The following SEMA3F variants were observed in gnomAD, a reference collection of about 807,000 sequenced individuals.
The protein encoded by SEMA3F is semaphorin 3F.
In SEMA3F, 30 loss-of-function variants were observed where a neutral mutation model predicts 98.5. That is an observed-to-expected ratio of 0.30 (90% confidence interval 0.23 to 0.41). The LOEUF (loss-of-function observed/expected upper bound fraction) is 0.41. Ranked by LOEUF, SEMA3F falls within the 10% of genes least tolerant of loss-of-function variation. SEMA3F has a pLI of 1.00. For synonymous variants in SEMA3F, 380 were observed against 444.8 expected (o/e 0.85, Z 1.83); for missense variants, 866 against 1,119.3 (o/e 0.77, Z 3.23).
chr3:50,187,858 G>A lies in SEMA3F; in HGVS notation c.2101G>A (p.Ala701Thr), dbSNP rs757018373. The A allele has an allele frequency of 4.0e-5, 65 of 1,613,036 alleles. No homozygotes were observed. The highest frequency in any genetic ancestry group is 5.3e-5 in the African/African-American group (4 of 74,912). Residue 701 changes from alanine (A) to threonine (T), a missense_variant, in exon 19 of 19, where the codon GCC (alanine) becomes ACC (threonine). Ala to Thr is a moderately conservative substitution (Grantham distance 58). Around this residue, in one of 3 missense-constraint regions of SEMA3F, gnomAD observed 245 missense variants for 260.5 expected, o/e 0.94. Coordinates refer to ENST00000002829, the MANE Select transcript of SEMA3F (RefSeq NM_004186.5). ...RVQLHVLGRD[A>T]VHAALFPPLS... ...GCAGCTGCATGTACTGGGCCGGGAC[G>A]CCGTCCATGCTGCCCTCTTCCCACC...
intron 16 of SEMA3F, 59 bp from the exon 17 acceptor site, chr3:50,186,222 C>T (rs1699205225): frequency 1.3e-6 from 2 of 1,572,414 alleles, no homozygotes; most frequent in South Asian, 1.1e-5. Flanking sequence ...CAGGGAGATA[C>T]AGGGACCTGG....
intron 5 of SEMA3F, 31 bp downstream of exon 5, chr3:50,174,381 C>G: frequency 6.3e-7 from 1 of 1,590,530 alleles, no homozygotes; most frequent in South Asian, 1.1e-5. Context: ...CCCTGTGCTG[C>G]CCCCGCTGGT....
chr3:50,183,366 A>T, intron 11 of SEMA3F, 54 bp from the exon 12 acceptor site: 1 of 1,605,838 alleles, frequency 6.2e-7, no homozygotes, highest in East Asian at 2.2e-5. Flanking sequence ...CAGTTTGGGG[A>T]GGGGCCCTAG....
In SEMA3F at chr3:50,156,513, C is replaced by T. The variant is rs759530293; in HGVS notation, c.-49+949C>T. Among the ~76,000 whole-genome samples the T allele has an allele frequency of 2.0e-5, 3 of 152,210 alleles. No individual in the cohort carries two copies. The highest frequency in any genetic ancestry group is 4.4e-5 in the Non-Finnish European group (3 of 68,036). On this transcript the variant is annotated intron_variant, in intron 1 of 18. Transcript: ENST00000002829. This position sits in a 1 kb window ranked among gnomAD's most constrained non-coding sequence, Gnocchi z 4.5. ...CTGGGCCAGGTTGGGGACCTCTGTC[C>T]TCCTGAATTCACCCAGATAGTCTCC...
intron 12 of SEMA3F, 67 bp downstream of exon 12, chr3:50,183,631 T>A (rs1041164689): frequency 4.6e-5 from 72 of 1,549,336 alleles, no homozygotes; most frequent in Non-Finnish European, 5.7e-5. Flanking sequence ...GTCAGGCTCT[T>A]TGCAACATGG....
intron 13 of SEMA3F, among the ~76,000 whole-genome samples, 171 bp from the exon 14 acceptor site, chr3:50,185,272 C>G (rs190294285): frequency 1.2e-4 from 19 of 152,318 alleles, no homozygotes; most frequent in Non-Finnish European, 2.5e-4. Context: ...GCCATGACCC[C>G]CTATGTCCTG....
intron 2 of SEMA3F, among the ~76,000 whole-genome samples, chr3:50,172,953 A>G (rs957584076): frequency 1.3e-5 from 2 of 151,678 alleles, no homozygotes; most frequent in Admixed American, 1.3e-4. Flanking sequence ...GGGAGCATTA[A>G]CCCCCACCTG....
In SEMA3F at chr3:50,188,083, C is replaced by G; in HGVS notation, c.2326C>G (p.Arg776Gly). 1 of 1,543,280 alleles carries G rather than the reference C, an allele frequency of 6.5e-7. No individual in the cohort carries two copies. Among genetic ancestry groups the G allele is most frequent in the Admixed American group, 1.9e-5 (1 of 52,816 alleles). ...TGAGCCCCAGGACCAGAAAAAGCCC[C>G]GGAACCGCCGGCACCACCCTCCGGA... ...SPEPQDQKKP[R>G]NRRHHPPDT The change falls in exon 19 of 19, where the codon CGG becomes GGG. Residue 776 changes from arginine to glycine, a missense_variant. Arg to Gly is a moderately radical substitution (Grantham distance 125). Transcript: ENST00000002829. This position sits in a 1 kb window ranked among gnomAD's most constrained non-coding sequence, Gnocchi z 4.5.
In SEMA3F at chr3:50,182,796, A is replaced by C; in HGVS notation, c.903+13A>C. ...GCGCATTTGCCTGGTATGCATTGGC[A>C]GAGCCACCAGGCTGCCCCTTCCACC... On this transcript the variant is annotated intron_variant, in intron 9 of 18. Coordinates refer to ENST00000002829, the MANE Select transcript of SEMA3F (RefSeq NM_004186.5). This position sits in a 1 kb window ranked among gnomAD's most constrained non-coding sequence, Gnocchi z 4.5. 6.2e-7 allele frequency: 1 copy of C among 1,612,006 alleles called. No individual in the cohort carries two copies. Among genetic ancestry groups the C allele is most frequent in the Non-Finnish European group, 8.5e-7 (1 of 1,179,384 alleles).
Position 50,188,007 on chromosome 3 carries a change from G to A in SEMA3F, c.2250G>A (p.Trp750Ter), listed in dbSNP as rs1575412926. 1 of 1,603,408 alleles carries A rather than the reference G, an allele frequency of 6.2e-7. No homozygotes were observed. Among genetic ancestry groups the A allele is most frequent in the South Asian group, 1.1e-5 (1 of 89,456 alleles). The part of the protein sequence containing the change: ...GLIHQYCQGY[W>*]RHVPPSPREA... ...TCCACCAGTACTGCCAGGGTTACTG[G>A]CGCCATGTGCCCCCCAGCCCCAGGG... Residue 750 changes from tryptophan (W) to a stop codon, truncating the protein, a stop_gained, in exon 19 of 19, where the codon TGG becomes TGA. Transcript: ENST00000002829. LOFTEE classifies it high-confidence loss of function. This position sits in a 1 kb window ranked among gnomAD's most constrained non-coding sequence, Gnocchi z 4.5.
At chr3:50,179,630 G>A (rs1279085811) in intron 7 of SEMA3F, among the ~76,000 whole-genome samples, 1 of 152,198 alleles carries the variant, frequency 6.6e-6, no homozygotes, top group African/African-American at 2.4e-5. Flanking sequence ...CTGGCCAGAA[G>A]GCTGTTTTAT....
rs771439188 is a variant in SEMA3F, at chr3:50,185,432, G to T, written c.1457-11G>T. 2 of 1,610,892 alleles carry T rather than the reference G, an allele frequency of 1.2e-6. No homozygotes were observed. The highest frequency in any genetic ancestry group is 1.7e-6 in the Non-Finnish European group (2 of 1,178,626). On this transcript the variant is annotated splice_polypyrimidine_tract_variant and intron_variant, in intron 13 of 18. Coordinates refer to ENST00000002829, the MANE Select transcript of SEMA3F (RefSeq NM_004186.5). ...CCCAGCCCCACTGAGGCCCTGCCCG[G>T]CCCGTTCCAGACCGCGGGACAGTGC...
chr3:50,155,319 G>T (rs1277694263), upstream of SEMA3F: 7 of 308,610 alleles, frequency 2.3e-5, no homozygotes, highest in South Asian at 1.4e-4. This position sits in a 1 kb window ranked among gnomAD's most constrained non-coding sequence, Gnocchi z 4.9. Flanking sequence ...AGGGGAGGCG[G>T]CCCCGAGCGC....
chr3:50,183,627 C>T (rs1250225551), intron 12 of SEMA3F, 63 bp downstream of exon 12: 2 of 1,557,184 alleles, frequency 1.3e-6, no homozygotes, highest in Non-Finnish European at 1.8e-6. Flanking sequence ...CTGGGTCAGG[C>T]TCTTTGCAAC....
rs368349291 is a variant in SEMA3F, at chr3:50,187,663, G to A, written c.1948-42G>A. 6 of 1,530,252 alleles carry A rather than the reference G, an allele frequency of 3.9e-6. No individual in the cohort carries two copies. The African/African-American group carries it at 8.2e-5, about 21-fold the overall frequency. 94.8% of individuals were successfully genotyped at this position (1,530,252 alleles called of 1,614,324 possible). The stretch of plus-strand genomic sequence containing the variant: ...TCTGGTTGCTGGCTAGGGCCATAGG[G>A]TGGTCACAGAGCCTCTGAACCCCCT... On this transcript the variant is annotated intron_variant, in intron 18 of 18. Transcript: ENST00000002829.
chr3:50,186,175 A>G (rs1699203351), intron 16 of SEMA3F, 106 bp from the exon 17 acceptor site: 3 of 1,460,364 alleles, frequency 2.1e-6, no homozygotes, highest in South Asian at 2.5e-5. Flanking sequence ...TGGGTAAGAC[A>G]TCACTGCCCT....
intron 13 of SEMA3F, among the ~76,000 whole-genome samples, chr3:50,185,218 G>T (rs1575408893): frequency 1.3e-5 from 2 of 152,200 alleles, no homozygotes; most frequent in South Asian, 2.1e-4. Flanking sequence ...CCTGTTCTCA[G>T]CAGGGCCCAA....
At chr3:50,181,671 G>C (rs895412074) in intron 7 of SEMA3F, among the ~76,000 whole-genome samples, 1 of 150,802 alleles carries the variant, frequency 6.6e-6, no homozygotes, top group Non-Finnish European at 1.5e-5. Context: ...GCCCAGGCTG[G>C]AGTGCAGTGG....
chr3:50,174,407 T>C (rs1274990068), intron 5 of SEMA3F, 57 bp downstream of exon 5: 1 of 1,558,870 alleles, frequency 6.4e-7, no homozygotes, highest in Non-Finnish European at 8.7e-7. Context: ...CATCCCAGGG[T>C]CCTGATGGGA....
Sources: allele counts gnomAD v4.1 joint callset (sites outside exome capture counted in the v4.1 genomes callset), GRCh38; gene constraint gnomAD v4.1.1; regional missense constraint gnomAD v4.1.1; non-coding constraint Gnocchi (gnomAD v3.1); transcripts MANE v1.5; gene names NCBI Gene and HGNC (gene_info 2026-07-23, HGNC 2026-07-21).